LGR6: variants seen among roughly 807,000 people sequenced by gnomAD.
LGR6 encodes leucine-rich repeat-containing G protein-coupled receptor 6.
LGR6 carries 45 observed loss-of-function variants against 69.4 expected under a neutral mutation model. That is an observed-to-expected ratio of 0.65 (90% CI 0.51 to 0.83). The LOEUF is 0.83. Ranked by LOEUF, LGR6 falls within the 40% of genes least tolerant of loss-of-function variation. LGR6 has a pLI of 0.00. For synonymous variants in LGR6, 538 were observed against 555.0 expected (o/e 0.97, Z 0.43); for missense variants, 1,108 against 1,246.7 (o/e 0.89, Z 1.68).
chr1:202,242,674 T>C (rs562455341), intron 4 of LGR6, among the ~76,000 whole-genome samples: 11 of 152,298 alleles, frequency 7.2e-5, no homozygotes, highest in African/African-American at 2.4e-4. Flanking sequence ...TGAGTTGAGA[T>C]GAGGAGGAAA....
chr1:202,222,417 G>A (rs1229995244), intron 1 of LGR6, among the ~76,000 whole-genome samples: 1 of 152,140 alleles, frequency 6.6e-6, no homozygotes, highest in Non-Finnish European at 1.5e-5. Flanking sequence ...AGAGGGAGTG[G>A]GTGGGGTGGG....
intron 4 of LGR6, among the ~76,000 whole-genome samples, chr1:202,253,732 G>A (rs1438038343): frequency 5.4e-5 from 7 of 129,556 alleles, no homozygotes; most frequent in Admixed American, 4.1e-4. Flanking sequence ...GGGTTCAAGC[G>A]ATTCTCCTGC....
At chr1:202,212,553 C>T (rs570695862) in intron 1 of LGR6, among the ~76,000 whole-genome samples, 76 of 152,328 alleles carry the variant, frequency 5.0e-4, no homozygotes, top group African/African-American at 1.8e-3. Flanking sequence ...CACTGCGTGC[C>T]TCTTCCAGCT....
At chr1:202,214,765 G>A (rs946407731) in intron 1 of LGR6, among the ~76,000 whole-genome samples, 2 of 152,192 alleles carry the variant, frequency 1.3e-5, no homozygotes, top group East Asian at 1.9e-4. Context: ...GTCTGGAGAG[G>A]CGGAAAGGTG....
chr1:202,222,069 T>TA (rs1365139544), intron 1 of LGR6, among the ~76,000 whole-genome samples: 2 of 152,248 alleles, frequency 1.3e-5, no homozygotes, highest in Non-Finnish European at 2.9e-5. Context: ...GCCAGGGCTC[T>TA]TAGCCATTCC....
intron 1 of LGR6, among the ~76,000 whole-genome samples, chr1:202,216,680 C>T (rs563535388): frequency 6.6e-6 from 1 of 152,314 alleles, no homozygotes; most frequent in Admixed American, 6.5e-5. Context: ...TTTCATTCCT[C>T]TCCAGAGGCT....
chr1:202,280,185 T>G (rs139266615), intron 5 of LGR6, among the ~76,000 whole-genome samples: 77 of 152,262 alleles, frequency 5.1e-4, no homozygotes, highest in African/African-American at 1.8e-3. Context: ...GGTCCCCCTT[T>G]GCCTGGAATG....
intron 16 of LGR6, among the ~76,000 whole-genome samples, chr1:202,312,592 C>T (rs1244370708): frequency 6.6e-6 from 1 of 152,220 alleles, no homozygotes; most frequent in Non-Finnish European, 1.5e-5. Context: ...GTGCAACAAA[C>T]AGAGTCACCT....
At chr1:202,305,041 C>T (rs1486704997) in intron 11 of LGR6, among the ~76,000 whole-genome samples, 3 of 152,148 alleles carry the variant, frequency 2.0e-5, no homozygotes, top group African/African-American at 7.2e-5. Flanking sequence ...GAGTTTTCCT[C>T]TCTCCTTGGA....
chr1:202,285,089 C>T (rs1246295957), intron 6 of LGR6, among the ~76,000 whole-genome samples: 4 of 152,230 alleles, frequency 2.6e-5, no homozygotes, highest in African/African-American at 9.6e-5. Flanking sequence ...GTATTGAATT[C>T]TGCCTTATAA....
chr1:202,280,921 G>A, intron 6 of LGR6, 69 bp downstream of exon 6: 1 of 1,425,886 alleles, frequency 7.0e-7, no homozygotes, highest in Non-Finnish European at 9.7e-7. Flanking sequence ...TGGAGTGGAG[G>A]GAGCACACAG....
chr1:202,205,988 A>ACACACACACC (rs1383935990), intron 1 of LGR6, among the ~76,000 whole-genome samples: 25 of 149,542 alleles, frequency 1.7e-4, no homozygotes, highest in Middle Eastern at 3.4e-3. Flanking sequence ...ACACACACAC[A>ACACACACACC]CCCCTAGTAT....
At chr1:202,293,831 A>G (rs138992520) in intron 6 of LGR6, among the ~76,000 whole-genome samples, 31 of 152,296 alleles carry the variant, frequency 2.0e-4, no homozygotes, top group Admixed American at 1.4e-3. Flanking sequence ...ACAAAAATAG[A>G]CTTGTAGTTC....
chr1:202,282,733 T>C (rs1314070840), intron 6 of LGR6, among the ~76,000 whole-genome samples: 2 of 152,242 alleles, frequency 1.3e-5, no homozygotes, highest in Non-Finnish European at 2.9e-5. Flanking sequence ...GTTTCTTCAC[T>C]TTTGGGGCAC....
Position 202,306,730 on chromosome 1 carries a change from A to C in LGR6, c.1137-138A>C, listed in dbSNP as rs760670416. 1.8e-5 allele frequency: 14 copies of C among 788,112 alleles called. No individual in the cohort carries two copies. In the East Asian group the frequency reaches 3.7e-4, roughly 21 times the overall value. The allele number at this position is 788,112 out of a possible 1,614,324, so 48.8% of individuals were successfully genotyped here. On this transcript the variant is annotated intron_variant, in intron 12 of 17. Transcript: ENST00000367278. ...CCTTGTGCTCCCTTTAATTCTGGTG[A>C]CTTCCTCGGGCTGGGCCCTTTCTTC... is the stretch of plus-strand genomic sequence containing the variant.
At chr1:202,304,438 ATT>A in intron 10 of LGR6, 119 bp from the exon 11 acceptor site, 3 of 557,282 alleles carry the variant, frequency 5.4e-6, no homozygotes, top group Non-Finnish European at 9.0e-6. Flanking sequence ...CTCTCCCTCC[ATT>A]TCTCTCTTTT....
At chr1:202,294,404 C>A (rs1036455886) in intron 6 of LGR6, among the ~76,000 whole-genome samples, 3 of 152,196 alleles carry the variant, frequency 2.0e-5, no homozygotes, top group Non-Finnish European at 4.4e-5. Flanking sequence ...CTTTATTATT[C>A]TTCATGAATT....
At chr1:202,196,414 T>C (rs1658642547) in intron 1 of LGR6, among the ~76,000 whole-genome samples, 2 of 152,212 alleles carry the variant, frequency 1.3e-5, no homozygotes, top group Admixed American at 6.5e-5. Flanking sequence ...TTTTCAGCGA[T>C]GTTAGGAGAT....
At chr1:202,273,025 T>C (rs1272541375) in intron 4 of LGR6, among the ~76,000 whole-genome samples, 1 of 152,146 alleles carries the variant, frequency 6.6e-6, no homozygotes, top group East Asian at 1.9e-4. Context: ...CACAACACAA[T>C]GGTGAGGCAC....
Sources: gnomAD v4.1 joint callset for allele counts (sites outside exome capture counted in the v4.1 genomes callset) on GRCh38, gnomAD v4.1.1 for gene constraint, MANE v1.5 for transcripts, NCBI Gene and HGNC (gene_info 2026-07-23, HGNC 2026-07-21) for gene names.